CACNA2D3: variants seen among roughly 807,000 people sequenced by gnomAD.
CACNA2D3 encodes the protein calcium voltage-gated channel auxiliary subunit alpha2delta 3.
CACNA2D3 carries 60 observed loss-of-function variants against 160.6 expected under a neutral mutation model. The ratio of observed to expected loss-of-function variants is 0.37; its 90% confidence interval spans 0.30 to 0.46. The LOEUF is 0.46. CACNA2D3 is among the 20% of genes least tolerant of loss of function. CACNA2D3 has a pLI of 1.00. For missense variants in CACNA2D3, 1,205 were observed against 1,365.0 expected, an observed-to-expected ratio of 0.88 and a Z score of 1.85; for synonymous variants, 558 against 492.9, an observed-to-expected ratio of 1.13 and a Z score of -1.75.
intron 19 of CACNA2D3, 66 bp downstream of exon 19, chr3:54,879,155 A>T: frequency 3.6e-6 from 4 of 1,100,682 alleles, no homozygotes; most frequent in Non-Finnish European, 5.3e-6. Flanking sequence ...ATTAGCTTTG[A>T]AAGCTATATC....
intron 27 of CACNA2D3, among the ~76,000 whole-genome samples, chr3:54,923,241 C>T (rs776780955): frequency 1.4e-4 from 22 of 152,136 alleles, no homozygotes; most frequent in Non-Finnish European, 2.4e-4. Flanking sequence ...TGATCTGACC[C>T]CCAAGTACTG....
chr3:54,555,715 G>A (rs1702232550), intron 5 of CACNA2D3, among the ~76,000 whole-genome samples: 1 of 152,204 alleles, frequency 6.6e-6, no homozygotes, highest in African/African-American at 2.4e-5. Context: ...TCGGAAGGTA[G>A]AGGAAACAGA....
chr3:54,604,238 T>G (rs1329156318), intron 9 of CACNA2D3, among the ~76,000 whole-genome samples: 1 of 152,158 alleles, frequency 6.6e-6, no homozygotes, highest in Non-Finnish European at 1.5e-5. Flanking sequence ...TAAGCACCAT[T>G]AGGACTTTAG....
chr3:54,331,888 C>T (rs1046035985), intron 3 of CACNA2D3, among the ~76,000 whole-genome samples: 9 of 152,134 alleles, frequency 5.9e-5, no homozygotes, highest in African/African-American at 1.9e-4. Context: ...CAGTCTGGTC[C>T]CATTCATAGA....
chr3:55,051,995 C>T (rs1289075199), intron 35 of CACNA2D3, among the ~76,000 whole-genome samples: 1 of 152,134 alleles, frequency 6.6e-6, no homozygotes, highest in Admixed American at 6.5e-5. Flanking sequence ...ATGACCTGCG[C>T]CCACTGTCTG....
At position 54,151,900 on chromosome 3, in the gene CACNA2D3, T is replaced by C. The variant is rs1027648924; in HGVS notation, c.204+28306T>C. 5.9e-5 allele frequency among the ~76,000 whole-genome samples: 9 copies of C among 152,214 alleles called. No homozygotes were observed. The South Asian group carries it at 6.2e-4, about 11-fold the overall frequency. On this transcript the variant is annotated intron_variant, in intron 2 of 37. Transcript: ENST00000474759. ...AGCCATCCTCTTTCCTGCCTCCTCATTGTTGCCCATACTGTTCCCTGCTAA... is the reference window on the plus strand; with the variant it reads ...AGCCATCCTCTTTCCTGCCTCCTCACTGTTGCCCATACTGTTCCCTGCTAA...
chr3:54,579,253 A>G (rs1234014871), intron 8 of CACNA2D3, among the ~76,000 whole-genome samples: 1 of 152,212 alleles, frequency 6.6e-6, no homozygotes, highest in African/African-American at 2.4e-5. Context: ...TGATAATGTC[A>G]TGTAAGAAGC....
chr3:54,811,946 A>G (rs1703330979), intron 13 of CACNA2D3, among the ~76,000 whole-genome samples: 1 of 152,242 alleles, frequency 6.6e-6, no homozygotes, highest in African/African-American at 2.4e-5. Context: ...TAATAAGATT[A>G]CTGTGAGTTT....
chr3:54,462,915 G>A (rs372021962), intron 4 of CACNA2D3, among the ~76,000 whole-genome samples: 2,569 of 148,416 alleles, frequency 0.017, 54 homozygotes, highest in East Asian at 0.093. Flanking sequence ...GGCTGGTACC[G>A]GTTGTTCCTT....
chr3:54,672,426 C>T (rs1178076898), intron 11 of CACNA2D3, among the ~76,000 whole-genome samples: 5 of 152,154 alleles, frequency 3.3e-5, no homozygotes, highest in South Asian at 2.1e-4. Context: ...TCTAACCTCC[C>T]GTTGGCCTTT....
At chr3:54,299,214 A>T (rs1485492836) in intron 2 of CACNA2D3, among the ~76,000 whole-genome samples, 1 of 150,408 alleles carries the variant, frequency 6.6e-6, no homozygotes, top group African/African-American at 2.4e-5. Context: ...TCCATTATTA[A>T]AAAAAAAAAA....
At chr3:54,340,912 G>T (rs1231179320) in intron 3 of CACNA2D3, among the ~76,000 whole-genome samples, 1 of 152,200 alleles carries the variant, frequency 6.6e-6, no homozygotes, top group Admixed American at 6.5e-5. Context: ...TATGAGGTCA[G>T]AGCTGCTCTG....
chr3:54,161,485 G>A lies in CACNA2D3; in HGVS notation c.204+37891G>A, dbSNP rs576119939. Among the ~76,000 whole-genome samples, 57 of 152,354 alleles carry A rather than the reference G, an allele frequency of 3.7e-4. No homozygotes were observed. The South Asian group carries it at 8.5e-3, about 23-fold the overall frequency. The stretch of plus-strand genomic sequence containing the variant: ...TCCCTGAATTGTGAGTGTCTTTAGC[G>A]TCACAGTTAGCCCACCTTTGCTTCT... On this transcript the variant is annotated intron_variant, in intron 2 of 37. Coordinates refer to ENST00000474759, the MANE Select transcript of CACNA2D3 (RefSeq NM_018398.3).
chr3:54,688,378 C>A (rs1452574525), intron 11 of CACNA2D3, among the ~76,000 whole-genome samples: 1 of 151,868 alleles, frequency 6.6e-6, no homozygotes, highest in African/African-American at 2.4e-5. Context: ...TTTTCACTTT[C>A]TCTTTTTCCT....
At chr3:54,186,869 C>T (rs182347587) in intron 2 of CACNA2D3, among the ~76,000 whole-genome samples, 11 of 152,314 alleles carry the variant, frequency 7.2e-5, no homozygotes, top group African/African-American at 2.4e-4. Flanking sequence ...CAGCGTTGCT[C>T]CTGCCTTCCT....
At chr3:54,805,707 C>A (rs568517735) in intron 13 of CACNA2D3, among the ~76,000 whole-genome samples, 1 of 152,318 alleles carries the variant, frequency 6.6e-6, no homozygotes, top group Non-Finnish European at 1.5e-5. Context: ...TTTTATGAGG[C>A]CAGCATCATC....
chr3:54,743,027 A>G (rs895253739), intron 11 of CACNA2D3, among the ~76,000 whole-genome samples: 1 of 152,262 alleles, frequency 6.6e-6, no homozygotes, highest in Non-Finnish European at 1.5e-5. Context: ...ATAGAAAAGT[A>G]TTGAAAATAG....
chr3:54,493,602 C>G (rs1701151518), intron 4 of CACNA2D3, among the ~76,000 whole-genome samples: 1 of 152,192 alleles, frequency 6.6e-6, no homozygotes, highest in East Asian at 1.9e-4. Context: ...TCTCCTGTCT[C>G]CCTCCTTATC....
At chr3:54,798,820 C>G (rs569401878) in intron 13 of CACNA2D3, among the ~76,000 whole-genome samples, 1 of 152,208 alleles carries the variant, frequency 6.6e-6, no homozygotes, top group Non-Finnish European at 1.5e-5. Context: ...ATCTTTTACT[C>G]TGGGCTCCAG....
Sources: allele counts gnomAD v4.1 joint callset (sites outside exome capture counted in the v4.1 genomes callset), GRCh38; gene constraint gnomAD v4.1.1; transcripts MANE v1.5; gene names NCBI Gene and HGNC (gene_info 2026-07-23, HGNC 2026-07-21).